IQCM: variants seen among roughly 807,000 people sequenced by gnomAD.
IQCM encodes IQ domain-containing protein M.
A neutral mutation model predicts 57.6 loss-of-function variants in IQCM; 45 were observed. The observed-to-expected ratio is 0.78, with a 90% CI of 0.62 to 1.00. The LOEUF (loss-of-function observed/expected upper bound fraction) is 1.00. Among genes scored for constraint, IQCM ranks in the 50% least tolerant of loss-of-function variants. IQCM has a pLI of 0.00. For synonymous variants in IQCM, 148 were observed against 158.9 expected (o/e 0.93, Z 0.51); for missense variants, 468 against 511.6 (o/e 0.91, Z 0.82).
intron 5 of IQCM, chr4:149,691,730 A>G (rs1451372918): frequency 6.6e-6 from 1 of 152,136 alleles, no homozygotes. Flanking sequence ...GAGATTACAG[A>G]TACTCACATC....
At chr4:149,708,466 A>G (rs1049367386) in intron 5 of IQCM, among the ~76,000 whole-genome samples, 3 of 151,332 alleles carry the variant, frequency 2.0e-5, no homozygotes, top group African/African-American at 7.2e-5. Context: ...CAAGTATACC[A>G]ATAAAAAATC....
intron 7 of IQCM, among the ~76,000 whole-genome samples, chr4:149,642,407 T>G (rs1758272933): frequency 6.6e-6 from 1 of 152,166 alleles, no homozygotes; most frequent in African/African-American, 2.4e-5. Context: ...GGTGTGTAAT[T>G]GAATAGATTC....
chr4:149,368,913 T>C (rs1227423033), intron 13 of IQCM, among the ~76,000 whole-genome samples: 1 of 73,914 alleles, frequency 1.4e-5, no homozygotes, highest in African/African-American at 4.7e-5. Flanking sequence ...CGTGTATATA[T>C]ATGTGTATAT....
chr4:149,520,808 A>T (rs1166339660), intron 12 of IQCM, among the ~76,000 whole-genome samples: 1 of 152,024 alleles, frequency 6.6e-6, no homozygotes, highest in East Asian at 1.9e-4. Context: ...GATATACCAC[A>T]TACCTGTAGA....
At position 149,553,303 on chromosome 4, in the gene IQCM, AG is replaced by A; in HGVS notation, c.949-17del. ...GATCCAAAGCCTACAAAGACAGAAA[AG>A]CTCCTTATATATTTCTGGTATTTAT... On this transcript the variant is annotated splice_polypyrimidine_tract_variant and intron_variant, in intron 10 of 13. Transcript: ENST00000636793. 2 of 1,230,788 alleles carry A rather than the reference AG, an allele frequency of 1.6e-6. No individual in the cohort carries two copies. Among genetic ancestry groups the A allele is most frequent in the Non-Finnish European group, 2.0e-6 (2 of 986,782 alleles). 76.2% of individuals were successfully genotyped at this position (1,230,788 alleles called of 1,614,324 possible).
intron 10 of IQCM, among the ~76,000 whole-genome samples, chr4:149,559,206 A>G (rs1405850839): frequency 6.6e-6 from 1 of 151,994 alleles, no homozygotes; most frequent in African/African-American, 2.4e-5. Flanking sequence ...CCATTTTGTC[A>G]CCCTCTCCTC....
At chr4:149,630,796 T>G (rs1315768195) in intron 7 of IQCM, among the ~76,000 whole-genome samples, 1 of 152,158 alleles carries the variant, frequency 6.6e-6, no homozygotes. Flanking sequence ...ATCTGAAATG[T>G]GACTAAAGAT....
chr4:149,454,118 G>A (rs185099187), intron 12 of IQCM, among the ~76,000 whole-genome samples: 202 of 146,940 alleles, frequency 1.4e-3, no homozygotes, highest in African/African-American at 4.5e-3. Context: ...CCTAAATTCC[G>A]ATAAAGGTAG....
intron 11 of IQCM, 52 bp from the exon 12 acceptor site, chr4:149,548,641 TA>T (rs1748700254): frequency 4.4e-6 from 4 of 905,560 alleles, no homozygotes; most frequent in Non-Finnish European, 5.8e-6. Flanking sequence ...ATACATCAAG[TA>T]AAAACTTTAA....
chr4:149,368,831 T>TGTATATATACATATATATACAC (rs1730066333), intron 13 of IQCM, among the ~76,000 whole-genome samples: 1 of 43,802 alleles, frequency 2.3e-5, no homozygotes, highest in African/African-American at 9.5e-5. Context: ...TATATATACA[T>TGTATATATACATATATATACAC]GTATATATAT....
intron 12 of IQCM, among the ~76,000 whole-genome samples, chr4:149,473,963 T>C (rs1417402070): frequency 1.3e-5 from 2 of 151,960 alleles, no homozygotes; most frequent in Non-Finnish European, 2.9e-5. Context: ...CATCACAAAC[T>C]AGGGTCTGTC....
intron 4 of IQCM, among the ~76,000 whole-genome samples, chr4:149,734,411 T>C (rs1407097638): frequency 6.6e-6 from 1 of 152,152 alleles, no homozygotes; most frequent in African/African-American, 2.4e-5. Flanking sequence ...TGAAAATCAT[T>C]TTAAATTGGT....
chr4:149,648,038 T>C (rs1156865636), intron 7 of IQCM, among the ~76,000 whole-genome samples: 2 of 152,228 alleles, frequency 1.3e-5, no homozygotes, highest in African/African-American at 2.4e-5. Flanking sequence ...ATTGACAATA[T>C]ATTTTTTCTA....
At chr4:149,724,824 GCTAA>G (rs1487794703) in intron 5 of IQCM, among the ~76,000 whole-genome samples, 2 of 151,826 alleles carry the variant, frequency 1.3e-5, no homozygotes, top group Non-Finnish European at 2.9e-5. Flanking sequence ...TGTATTATAT[GCTAA>G]CTAACATTAA....
At chr4:149,530,805 C>A (rs1322879534) in intron 12 of IQCM, among the ~76,000 whole-genome samples, 5 of 3,568 alleles carry the variant, frequency 1.4e-3, no homozygotes, top group Non-Finnish European at 4.6e-3. Flanking sequence ...ACCCCCCCAC[C>A]CCCCCCCCAC....
Position 149,686,725 on chromosome 4 carries a change from C to A in IQCM, c.386-257G>T, listed in dbSNP as rs1422649174. On this transcript the variant is annotated intron_variant, in intron 5 of 13. Transcript: ENST00000636793. Reference sequence around the variant, plus strand: ...TACATATATCAGAAAGGAGATTGCTCTCAGAGAAATGGCTGCAACAGCATA... The same window carrying A: ...TACATATATCAGAAAGGAGATTGCTATCAGAGAAATGGCTGCAACAGCATA... Among the ~76,000 whole-genome samples the A allele has an allele frequency of 2.0e-5, 3 of 151,530 alleles. No homozygotes were observed. The East Asian group carries it at 5.8e-4, about 29-fold the overall frequency.
chr4:149,376,601 C>T lies in IQCM; in HGVS notation c.1391-24535G>A, dbSNP rs200406170. Among the ~76,000 whole-genome samples the T allele has an allele frequency of 5.3e-5, 8 of 152,030 alleles. No homozygotes were observed. In the East Asian group the frequency reaches 7.7e-4, roughly 15 times the overall value. Reference sequence around the variant, plus strand: ...GCAGTGACAGATGATTGGGATCATCCGAAACTGTTGATGTTATTCACAAAT... The same window carrying T: ...GCAGTGACAGATGATTGGGATCATCTGAAACTGTTGATGTTATTCACAAAT... On this transcript the variant is annotated intron_variant, in intron 13 of 13. Transcript: ENST00000636793.
chr4:149,656,528 G>A (rs900032009), intron 7 of IQCM, among the ~76,000 whole-genome samples: 2 of 152,078 alleles, frequency 1.3e-5, no homozygotes, highest in Admixed American at 1.3e-4. Context: ...GTGGATTCCT[G>A]CATGAAATTG....
intron 12 of IQCM, among the ~76,000 whole-genome samples, chr4:149,528,946 T>C (rs1746458760): frequency 6.6e-6 from 1 of 152,122 alleles, no homozygotes; most frequent in South Asian, 2.1e-4. Context: ...CTTCATTAAA[T>C]AATATACTCC....
Sources: gnomAD v4.1 joint callset for allele counts (sites outside exome capture counted in the v4.1 genomes callset) on GRCh38, gnomAD v4.1.1 for gene constraint, MANE v1.5 for transcripts, NCBI Gene and HGNC (gene_info 2026-07-23, HGNC 2026-07-21) for gene names.